Variants in PELI2 observed in about 807,000 individuals in gnomAD.
The protein encoded by PELI2 is pellino E3 ubiquitin protein ligase family member 2, also known as E3 ubiquitin-protein ligase pellino homolog 2.
Under a neutral mutation model 42.3 loss-of-function variants are expected in PELI2, and 23 were observed. The observed-to-expected ratio is 0.54, with a 90% CI of 0.39 to 0.77. The LOEUF is 0.77. PELI2 is among the 30% of genes least tolerant of loss of function. The pLI, the probability that PELI2 is intolerant of heterozygous loss-of-function variation, is 0.00. For missense variants in PELI2, 463 were observed against 553.2 expected, an observed-to-expected ratio of 0.84 and a Z score of 1.64; for synonymous variants, 245 against 212.2, an observed-to-expected ratio of 1.15 and a Z score of -1.34.
chr14:56,150,865 G>A (rs997763005), intron 1 of PELI2, among the ~76,000 whole-genome samples: 2 of 152,174 alleles, frequency 1.3e-5, no homozygotes, highest in African/African-American at 4.8e-5. Flanking sequence ...CTAGCAGAGT[G>A]GATTCTTGGC....
intron 2 of PELI2, among the ~76,000 whole-genome samples, chr14:56,209,922 C>T (rs1439006165): frequency 6.6e-6 from 1 of 152,030 alleles, no homozygotes; most frequent in Non-Finnish European, 1.5e-5. Context: ...GTAATTTGTA[C>T]CAGGTGAAAG....
At chr14:56,250,888 A>G (rs1888321633) in intron 2 of PELI2, among the ~76,000 whole-genome samples, 1 of 152,228 alleles carries the variant, frequency 6.6e-6, no homozygotes, top group Admixed American at 6.5e-5. Context: ...GATTTACTGA[A>G]GAAGTACTGT....
chr14:56,143,112 C>T (rs1404134482), intron 1 of PELI2, among the ~76,000 whole-genome samples: 2 of 152,138 alleles, frequency 1.3e-5, no homozygotes, highest in African/African-American at 4.8e-5. Context: ...TGTCTCCTTA[C>T]TCCCTTCTAA....
chr14:56,233,762 A>C (rs1351159981), intron 2 of PELI2, among the ~76,000 whole-genome samples: 1 of 152,242 alleles, frequency 6.6e-6, no homozygotes, highest in African/African-American at 2.4e-5. Flanking sequence ...AATGGGATCT[A>C]ATTAAACTAA....
intron 1 of PELI2, among the ~76,000 whole-genome samples, chr14:56,129,522 C>T (rs1005537906): frequency 6.6e-5 from 10 of 152,228 alleles, no homozygotes; most frequent in Admixed American, 2.6e-4. Context: ...ACAACTGTGC[C>T]TCTGGAGCCT....
intron 2 of PELI2, among the ~76,000 whole-genome samples, chr14:56,265,219 C>G (rs1239015875): frequency 6.6e-6 from 1 of 152,072 alleles, no homozygotes; most frequent in Non-Finnish European, 1.5e-5. Context: ...GGAGTACTCC[C>G]AGTGACTTCA....
At chr14:56,281,435 G>A (rs1889478171) in intron 3 of PELI2, among the ~76,000 whole-genome samples, 1 of 152,064 alleles carries the variant, frequency 6.6e-6, no homozygotes, top group Non-Finnish European at 1.5e-5. Context: ...CATAGGTATG[G>A]AAGAGAGATG....
chr14:56,156,842 A>G (rs1039281939), intron 1 of PELI2, among the ~76,000 whole-genome samples: 1 of 152,240 alleles, frequency 6.6e-6, no homozygotes, highest in African/African-American at 2.4e-5. Context: ...GGTCATTTGT[A>G]GCTCTCAAAC....
intron 1 of PELI2, among the ~76,000 whole-genome samples, chr14:56,159,694 TG>T (rs1454434135): frequency 3.3e-5 from 5 of 152,208 alleles, no homozygotes; most frequent in African/African-American, 1.2e-4. Flanking sequence ...AAAGAACTAA[TG>T]TTATATTAAT....
intron 1 of PELI2, among the ~76,000 whole-genome samples, chr14:56,170,919 G>A (rs1036898328): frequency 6.6e-6 from 1 of 152,178 alleles, no homozygotes; most frequent in African/African-American, 2.4e-5. Context: ...AGCCTGAAAG[G>A]CTCTTATGGG....
intron 1 of PELI2, among the ~76,000 whole-genome samples, chr14:56,176,029 C>G (rs1885367550): frequency 6.6e-6 from 1 of 152,196 alleles, no homozygotes; most frequent in South Asian, 2.1e-4. Context: ...ATCTCTCTGT[C>G]CCAATTTTGT....
chr14:56,242,539 A>T (rs1400505755), intron 2 of PELI2, among the ~76,000 whole-genome samples: 1 of 152,244 alleles, frequency 6.6e-6, no homozygotes, highest in African/African-American at 2.4e-5. Context: ...TATGAAAAAG[A>T]CACTTGCACA....
chr14:56,210,993 C>T lies in PELI2; in HGVS notation c.207+32529C>T, dbSNP rs567924253. On this transcript the variant is annotated intron_variant, in intron 2 of 5. Transcript: ENST00000267460. ...TGCTCCCACCCTTGGTCTTAAGTAA[C>T]TACCAAGAGCATTTGGGTGCAGCTC... 3.3e-5 allele frequency among the ~76,000 whole-genome samples: 5 copies of T among 152,312 alleles called. No homozygotes were observed. The South Asian group carries it at 1.0e-3, about 32-fold the overall frequency.
chr14:56,176,247 G>A (rs752750399), intron 1 of PELI2, among the ~76,000 whole-genome samples: 8 of 152,200 alleles, frequency 5.3e-5, no homozygotes, highest in East Asian at 1.9e-4. Context: ...GCACTCTTAC[G>A]AGGCTGAGGC....
At chr14:56,121,595 C>G (rs55959785) in intron 1 of PELI2, among the ~76,000 whole-genome samples, 4,404 of 152,260 alleles carry the variant, frequency 0.029, 69 homozygotes, top group African/African-American at 0.045. Context: ...TTTAAACTTA[C>G]GTTTTAAGGT....
intron 2 of PELI2, among the ~76,000 whole-genome samples, chr14:56,278,002 A>C (rs1889351128): frequency 1.3e-5 from 2 of 152,230 alleles, no homozygotes; most frequent in Admixed American, 1.3e-4. Flanking sequence ...CTTGTTTTGC[A>C]GATCATTTGT....
At chr14:56,134,332 C>G (rs1194308068) in intron 1 of PELI2, among the ~76,000 whole-genome samples, 3 of 152,148 alleles carry the variant, frequency 2.0e-5, no homozygotes, top group Non-Finnish European at 2.9e-5. Context: ...CATATTTTGA[C>G]AGTGATAAAG....
chr14:56,126,221 C>A (rs1274533503), intron 1 of PELI2, among the ~76,000 whole-genome samples: 1 of 152,206 alleles, frequency 6.6e-6, no homozygotes, highest in Non-Finnish European at 1.5e-5. Flanking sequence ...CAGTGCGCCA[C>A]AGTGGCGTTG....
chr14:56,287,570 G>A (rs2139890788), intron 3 of PELI2, among the ~76,000 whole-genome samples: 1 of 152,242 alleles, frequency 6.6e-6, no homozygotes, highest in Non-Finnish European at 1.5e-5. Flanking sequence ...TAGGCAATAT[G>A]CATCTGTTCA....
Sources: gnomAD v4.1 joint callset for allele counts (sites outside exome capture counted in the v4.1 genomes callset) on GRCh38, gnomAD v4.1.1 for gene constraint, MANE v1.5 for transcripts, NCBI Gene and HGNC (gene_info 2026-07-23, HGNC 2026-07-21) for gene names.